Variants in CFAP299 observed in about 807,000 individuals in gnomAD.
The protein encoded by CFAP299 is cilia and flagella associated protein 299.
CFAP299 carries 21 observed loss-of-function variants against 27.0 expected under a neutral mutation model. The ratio of observed to expected loss-of-function variants is 0.78; its 90% CI spans 0.55 to 1.12. The LOEUF (loss-of-function observed/expected upper bound fraction) is 1.12, where lower values mean the gene tolerates loss of function less well. Ranked by LOEUF, CFAP299 falls within the 50% of genes most tolerant of loss-of-function variation. The pLI, the probability that CFAP299 is intolerant of heterozygous loss-of-function variation, is 0.00. For synonymous variants in CFAP299, 104 were observed against 98.1 expected, an observed-to-expected ratio of 1.06 and a Z score of -0.36; for missense variants, 310 against 276.6, an observed-to-expected ratio of 1.12 and a Z score of -0.86.
intron 2 of CFAP299, among the ~76,000 whole-genome samples, chr4:80,575,795 C>T (rs1735824372): frequency 6.6e-6 from 1 of 152,052 alleles, no homozygotes; most frequent in Admixed American, 6.6e-5. Flanking sequence ...TTTAGTACTG[C>T]TTTCGCTGAA....
In CFAP299 at chr4:80,856,753, A is replaced by T. The variant is rs1414977580; in HGVS notation, c.334-13240A>T. 2.6e-5 allele frequency among the ~76,000 whole-genome samples: 4 copies of T among 151,864 alleles called. No homozygotes were observed. The East Asian group carries it at 7.7e-4, about 29-fold the overall frequency. On this transcript the variant is annotated intron_variant, in intron 3 of 5. Coordinates refer to ENST00000358105, the MANE Select transcript of CFAP299 (RefSeq NM_152770.3). ...ATTTCTGAGGGCTCTGTTCTGTTCC[A>T]TTGATCTATATCTCTGTTTTGGTAC...
intron 3 of CFAP299, among the ~76,000 whole-genome samples, chr4:80,647,015 G>A (rs940822954): frequency 4.6e-5 from 7 of 151,070 alleles, no homozygotes; most frequent in Non-Finnish European, 1.0e-4. Flanking sequence ...GTGTGTGTGT[G>A]TGTATTTTAA....
intron 3 of CFAP299, among the ~76,000 whole-genome samples, chr4:80,650,539 AC>A (rs914119690): frequency 2.6e-5 from 4 of 152,142 alleles, no homozygotes; most frequent in Admixed American, 6.6e-5. Flanking sequence ...TGGCACTTAA[AC>A]TTTTTAAAGA....
chr4:80,336,932 T>C (rs187069618), intron 1 of CFAP299, among the ~76,000 whole-genome samples: 168 of 152,358 alleles, frequency 1.1e-3, no homozygotes, highest in African/African-American at 3.6e-3. Flanking sequence ...TTGACACTTT[T>C]GGACTTCAAA....
At chr4:80,697,916 A>G (rs1721212534) in intron 3 of CFAP299, among the ~76,000 whole-genome samples, 1 of 152,226 alleles carries the variant, frequency 6.6e-6, no homozygotes, top group South Asian at 2.1e-4. Flanking sequence ...AATGCATATT[A>G]TGAACAAAAT....
In CFAP299 at chr4:80,400,724, G is replaced by A. The variant is rs138421499; in HGVS notation, c.242+37840G>A. ...TAAATTTGTACCAGTAAAGTTGGGC[G>A]TTGCTGAATAGATACCTGAAAATAT... On this transcript the variant is annotated intron_variant, in intron 2 of 5. Coordinates refer to ENST00000358105, the MANE Select transcript of CFAP299 (RefSeq NM_152770.3). 2.5e-3 allele frequency among the ~76,000 whole-genome samples: 386 copies of A among 152,282 alleles called. 1 individual carries two copies. The highest frequency in any genetic ancestry group is 9.4e-3 in the East Asian group (49 of 5,186).
chr4:80,929,241 C>G (rs576306647), intron 4 of CFAP299, among the ~76,000 whole-genome samples: 1 of 151,950 alleles, frequency 6.6e-6, no homozygotes, highest in East Asian at 1.9e-4. Context: ...GCACCACTAT[C>G]TATCCAATCT....
intron 2 of CFAP299, among the ~76,000 whole-genome samples, chr4:80,525,611 A>C (rs898698957): frequency 1.3e-5 from 2 of 152,096 alleles, no homozygotes; most frequent in Non-Finnish European, 2.9e-5. Flanking sequence ...CTCTTTAGCA[A>C]AGCTTACAAA....
chr4:80,864,733 A>G (rs1378933183), intron 3 of CFAP299, among the ~76,000 whole-genome samples: 3 of 151,906 alleles, frequency 2.0e-5, no homozygotes, highest in Admixed American at 6.6e-5. Context: ...TAAGGAATTT[A>G]TAAAACTCTT....
chr4:80,387,934 G>T, intron 2 of CFAP299: 1 of 825,928 alleles, frequency 1.2e-6, no homozygotes, highest in Non-Finnish European at 2.1e-6. Context: ...GCAGGGTTTG[G>T]TCCTTTGGGT....
intron 4 of CFAP299, among the ~76,000 whole-genome samples, chr4:80,884,654 CA>C (rs34255857): frequency 0.76 from 104,550 of 137,818 alleles, 42,229 homozygotes; most frequent in Non-Finnish European, 0.92. Context: ...TAGCGAATAC[CA>C]AAAAAAAAAA....
chr4:80,884,591 A>G (rs964984545), intron 4 of CFAP299, among the ~76,000 whole-genome samples: 9 of 151,474 alleles, frequency 5.9e-5, no homozygotes, highest in African/African-American at 2.2e-4. Flanking sequence ...TACACATAGC[A>G]GAGGAAGAAA....
At chr4:80,960,969 T>C (rs1738317339) in intron 5 of CFAP299, among the ~76,000 whole-genome samples, 1 of 151,774 alleles carries the variant, frequency 6.6e-6, no homozygotes, top group Non-Finnish European at 1.5e-5. Context: ...AATTTGTTGG[T>C]CTCCTATCTT....
chr4:80,788,977 C>T (rs1160242698), intron 3 of CFAP299, among the ~76,000 whole-genome samples: 3 of 152,008 alleles, frequency 2.0e-5, no homozygotes, highest in Non-Finnish European at 4.4e-5. Context: ...TCTTCATCTC[C>T]CATATCTGCT....
At chr4:80,889,701 T>A (rs1168282139) in intron 4 of CFAP299, among the ~76,000 whole-genome samples, 1 of 152,096 alleles carries the variant, frequency 6.6e-6, no homozygotes, top group East Asian at 1.9e-4. Context: ...ATATCTCTGA[T>A]GAATATAAAT....
intron 3 of CFAP299, among the ~76,000 whole-genome samples, chr4:80,622,302 A>G (rs909666161): frequency 1.3e-5 from 2 of 152,162 alleles, no homozygotes; most frequent in African/African-American, 4.8e-5. Flanking sequence ...AACAGTCTAG[A>G]GTTGATCTGA....
chr4:80,639,500 G>A (rs1226823308), intron 3 of CFAP299, among the ~76,000 whole-genome samples: 1 of 152,088 alleles, frequency 6.6e-6, no homozygotes, highest in African/African-American at 2.4e-5. Context: ...TAAAATTATT[G>A]ACAGTTTTAA....
chr4:80,879,224 G>A (rs1315736831), intron 4 of CFAP299, among the ~76,000 whole-genome samples: 5 of 152,082 alleles, frequency 3.3e-5, no homozygotes, highest in African/African-American at 1.2e-4. Flanking sequence ...GTATATTTCA[G>A]GAAGAATTTG....
At chr4:80,448,836 C>A (rs888389778) in intron 2 of CFAP299, among the ~76,000 whole-genome samples, 9 of 152,212 alleles carry the variant, frequency 5.9e-5, no homozygotes, top group African/African-American at 2.2e-4. Flanking sequence ...ATGACATATG[C>A]AATATAGAAA....
Sources: allele counts gnomAD v4.1 joint callset (sites outside exome capture counted in the v4.1 genomes callset), GRCh38; gene constraint gnomAD v4.1.1; transcripts MANE v1.5; gene names NCBI Gene and HGNC (gene_info 2026-07-23, HGNC 2026-07-21).